The following ACSS1 variants were observed in gnomAD, a reference collection of about 807,000 sequenced individuals.
ACSS1 encodes acetyl-coenzyme A synthetase 2-like, mitochondrial.
ACSS1 carries 42 observed loss-of-function variants against 75.3 expected under a neutral mutation model. That is an observed-to-expected ratio of 0.56 (90% CI 0.44 to 0.72). ACSS1 has a LOEUF of 0.72. ACSS1 is among the 30% of genes least tolerant of loss of function. The pLI, the probability that ACSS1 is intolerant of heterozygous loss-of-function variation, is 0.00. For missense variants in ACSS1, 782 were observed against 935.7 expected (o/e 0.84, Z 2.14); for synonymous variants, 380 against 376.8 (o/e 1.01, Z -0.10).
At chr20:25,018,913 T>C (rs966944174) in intron 7 of ACSS1, among the ~76,000 whole-genome samples, 1 of 152,200 alleles carries the variant, frequency 6.6e-6, no homozygotes, top group African/African-American at 2.4e-5. Context: ...TGACCCTCTG[T>C]GGCATCCTCG....
At chr20:25,045,519 C>T (rs921028533) in intron 2 of ACSS1, among the ~76,000 whole-genome samples, 36 of 152,220 alleles carry the variant, frequency 2.4e-4, no homozygotes, top group Admixed American at 6.5e-4. Context: ...CTTCCTGCAT[C>T]GGCACCAGCG....
At chr20:25,044,904 C>A (rs2089061711) in intron 2 of ACSS1, among the ~76,000 whole-genome samples, 1 of 152,150 alleles carries the variant, frequency 6.6e-6, no homozygotes, top group Admixed American at 6.5e-5. Context: ...ACGTCCCAGG[C>A]TGAGCCCTTC....
At position 25,006,937 on chromosome 20, in the gene ACSS1, T is replaced by C; in HGVS notation, c.*825A>G. The C allele has an allele frequency of 6.5e-7, 1 of 1,535,318 alleles. No individual in the cohort carries two copies. Among genetic ancestry groups the C allele is most frequent in the Non-Finnish European group, 8.7e-7 (1 of 1,146,578 alleles). On this transcript the variant is annotated 3_prime_UTR_variant, in exon 14 of 14. Coordinates refer to ENST00000323482, the MANE Select transcript of ACSS1 (RefSeq NM_032501.4). Reference sequence around the variant, plus strand: ...ACTATTTGGAGTATGTTGCCTCTCCTATCAAGAGGCATCTGGGGGCACAAA... The same window carrying C: ...ACTATTTGGAGTATGTTGCCTCTCCCATCAAGAGGCATCTGGGGGCACAAA...
chr20:25,038,704 G>A (rs994697895), intron 2 of ACSS1, among the ~76,000 whole-genome samples: 17 of 152,186 alleles, frequency 1.1e-4, no homozygotes, highest in Admixed American at 2.6e-4. Flanking sequence ...TGCTGAGGGC[G>A]GGAGTAGATC....
chr20:25,053,714 A>C (rs1252865982), intron 1 of ACSS1, among the ~76,000 whole-genome samples: 1 of 152,178 alleles, frequency 6.6e-6, no homozygotes, highest in Non-Finnish European at 1.5e-5. Context: ...ACACAGAGGA[A>C]CTACAGCAAA....
At chr20:25,012,443 C>A (rs1483066423) in intron 12 of ACSS1, 158 bp downstream of exon 12, 3 of 892,414 alleles carry the variant, frequency 3.4e-6, no homozygotes, top group Non-Finnish European at 5.3e-6. Context: ...TATTCAGCCT[C>A]CTCCCCTACA....
chr20:25,023,921 A>T (rs557089721), intron 3 of ACSS1, among the ~76,000 whole-genome samples: 1 of 152,306 alleles, frequency 6.6e-6, no homozygotes, highest in South Asian at 2.1e-4. Context: ...GCATAAAGAC[A>T]ATTTCCCAAC....
At chr20:25,035,792 C>T (rs753193057) in intron 2 of ACSS1, among the ~76,000 whole-genome samples, 1 of 152,210 alleles carries the variant, frequency 6.6e-6, no homozygotes, top group Non-Finnish European at 1.5e-5. Flanking sequence ...ATATGGTCAG[C>T]AAACCTAGGT....
At chr20:25,043,392 C>T (rs2089036390) in intron 2 of ACSS1, among the ~76,000 whole-genome samples, 1 of 152,244 alleles carries the variant, frequency 6.6e-6, no homozygotes, top group Non-Finnish European at 1.5e-5. Flanking sequence ...CACCCCACCA[C>T]AGCTGGAGTG....
chr20:25,018,666 G>A (rs1025390381), intron 7 of ACSS1, among the ~76,000 whole-genome samples: 11 of 152,172 alleles, frequency 7.2e-5, no homozygotes, highest in African/African-American at 2.2e-4. Flanking sequence ...AACATCTGCT[G>A]TTTGCTCAAA....
intron 7 of ACSS1, among the ~76,000 whole-genome samples, chr20:25,016,907 C>A (rs566223418): frequency 1.7e-4 from 26 of 152,264 alleles, no homozygotes; most frequent in Admixed American, 2.6e-4. Context: ...ACTACAGGAA[C>A]TTAACTGCAG....
At chr20:25,046,712 C>T (rs2089096604) in intron 2 of ACSS1, 14 of 741,588 alleles carry the variant, frequency 1.9e-5, no homozygotes, top group Middle Eastern at 2.7e-4. Flanking sequence ...CTGGGCCCAC[C>T]GTGGCGAGGG....
intron 2 of ACSS1, among the ~76,000 whole-genome samples, chr20:25,041,928 C>T (rs1168637673): frequency 6.6e-6 from 1 of 152,194 alleles, no homozygotes; most frequent in Non-Finnish European, 1.5e-5. Flanking sequence ...GGACGCCAGA[C>T]TCCATTCGAG....
intron 7 of ACSS1, among the ~76,000 whole-genome samples, chr20:25,018,166 A>G (rs2088553444): frequency 3.3e-5 from 5 of 152,252 alleles, no homozygotes; most frequent in Admixed American, 2.6e-4. Context: ...TGATTATGCC[A>G]AGAGGTTTCC....
At chr20:25,049,231 A>G (rs1338342915) in intron 1 of ACSS1, among the ~76,000 whole-genome samples, 1 of 152,240 alleles carries the variant, frequency 6.6e-6, no homozygotes, top group Non-Finnish European at 1.5e-5. Context: ...ACAAGAAGAC[A>G]AACTAAGAAG....
At position 25,030,870 on chromosome 20, in the gene ACSS1, C is replaced by T. The variant is rs200650895; in HGVS notation, c.520G>A (p.Val174Met). Residue 174 changes from valine to methionine, a missense_variant, in exon 3 of 14, where the codon GTG becomes ATG. Physicochemically the swap from Val to Met is conservative, Grantham distance 21 (BLOSUM62 1). This residue lies in a region of ACSS1 where 377 missense variants were observed against 383.1 expected (regional missense o/e 0.98). Transcript: ENST00000323482. ...RGDRVAIYMP[V>M]SPLAVAAMLA... is the part of the protein sequence containing the mutation. The stretch of plus-strand genomic sequence containing the variant: ...ATTGCTGCCACAGCCAATGGGGACA[C>T]GGGCATGTAGATGGCAACACGGTCC... 5.1e-5 allele frequency: 82 copies of T among 1,614,104 alleles called. No homozygotes were observed. The highest frequency in any genetic ancestry group is 6.3e-5 in the Non-Finnish European group (74 of 1,180,052).
At chr20:25,046,748 G>T in intron 2 of ACSS1, 1 of 775,456 alleles carries the variant, frequency 1.3e-6, no homozygotes, top group Non-Finnish European at 2.4e-6. Flanking sequence ...TGGGTCTTCA[G>T]AGCCAAGCAC....
chr20:25,036,765 G>A (rs2088914113), intron 2 of ACSS1, among the ~76,000 whole-genome samples: 1 of 151,964 alleles, frequency 6.6e-6, no homozygotes, highest in African/African-American at 2.4e-5. Flanking sequence ...GACCAGCCTG[G>A]CCAACCATAG....
intron 5 of ACSS1, 146 bp downstream of exon 5, chr20:25,022,794 A>C: frequency 2.2e-5 from 24 of 1,113,834 alleles, no homozygotes; most frequent in Non-Finnish European, 2.7e-5. Context: ...GGGTGGGAGG[A>C]CTCGAGGGGG....
Sources: gnomAD v4.1 joint callset for allele counts (sites outside exome capture counted in the v4.1 genomes callset) on GRCh38, gnomAD v4.1.1 for gene constraint, gnomAD v4.1.1 regional missense constraint, MANE v1.5 for transcripts, NCBI Gene and HGNC (gene_info 2026-07-23, HGNC 2026-07-21) for gene names.